Variants in DNHD1 observed in about 807,000 individuals in gnomAD.
DNHD1 encodes dynein heavy chain domain-containing protein 1.
DNHD1 carries 383 observed loss-of-function variants against 458.1 expected under a neutral mutation model. The observed-to-expected ratio is 0.84, with a 90% CI of 0.77 to 0.91. The LOEUF (loss-of-function observed/expected upper bound fraction) is 0.91. Ranked by LOEUF, DNHD1 falls within the 40% of genes least tolerant of loss-of-function variation. The pLI is 0.00. For synonymous variants in DNHD1, 2,203 were observed against 2,376.9 expected (o/e 0.93, Z 2.13); for missense variants, 5,336 against 5,866.1 (o/e 0.91, Z 2.95).
rs79772115 is a variant in DNHD1 at position 6,566,614 on chromosome 11, T to G, written c.11234T>G (p.Leu3745Arg). The stretch of plus-strand genomic sequence containing the variant: ...CTAGGTTGTGAACTGCTAAAGGGGC[T>G]GAATGTGTTGGATCTGGGCCTGAAC... ...KVLGCELLKG[L>R]NVLDLGLNME... is the part of the protein sequence containing the mutation. Residue 3745 changes from leucine (L) to arginine (R), a missense_variant, in exon 35 of 43, where the codon CTG becomes CGG. Physicochemically the swap from Leu to Arg is moderately radical, Grantham distance 102 (BLOSUM62 -2). This residue lies in a region of DNHD1 where 695 missense variants were observed against 804.2 expected (regional missense o/e 0.86). Transcript: ENST00000254579. 218 of 1,613,814 alleles carry G rather than the reference T, an allele frequency of 1.4e-4. No individual in the cohort carries two copies. The East Asian group carries it at 2.8e-3, about 21-fold the overall frequency.
At chr11:6,520,422 C>T (rs1852582584) in intron 10 of DNHD1, 133 bp downstream of exon 10, 1 of 1,518,246 alleles carries the variant, frequency 6.6e-7, no homozygotes, top group Non-Finnish European at 8.8e-7. Flanking sequence ...GCAGCTCTAA[C>T]CTGGGTACTG....
intron 6 of DNHD1, 30 bp from the exon 7 acceptor site, chr11:6,511,243 A>G (rs1318199968): frequency 1.2e-6 from 2 of 1,609,110 alleles, no homozygotes; most frequent in African/African-American, 1.3e-5. Context: ...TTGGGATGCC[A>G]GCTCTGACCA....
At chr11:6,525,635 G>A (rs754342344) in intron 10 of DNHD1, among the ~76,000 whole-genome samples, 2 of 152,172 alleles carry the variant, frequency 1.3e-5, no homozygotes, top group Non-Finnish European at 2.9e-5. Context: ...AAATTCCTCA[G>A]GAAGGGCTTG....
chr11:6,533,260 G>A (rs1467534173), intron 13 of DNHD1, 76 bp downstream of exon 13: 1 of 1,426,800 alleles, frequency 7.0e-7, no homozygotes, highest in Non-Finnish European at 9.5e-7. Context: ...CTCTCTTCAG[G>A]TCTCTGCTGA....
intron 24 of DNHD1, among the ~76,000 whole-genome samples, chr11:6,555,210 GTC>G (rs368758962): frequency 8.5e-6 from 1 of 117,230 alleles, no homozygotes; most frequent in Non-Finnish European, 1.8e-5. Context: ...CTCTCTCTCT[GTC>G]TCTCTCTCTG....
intron 24 of DNHD1, 58 bp from the exon 25 acceptor site, chr11:6,556,625 G>C: frequency 6.9e-7 from 1 of 1,457,256 alleles, no homozygotes; most frequent in Non-Finnish European, 9.2e-7. Flanking sequence ...GAGGGAACAG[G>C]TTGATACTCT....
chr11:6,513,866 C>T lies in DNHD1; in HGVS notation c.1392+2437C>T, dbSNP rs181483697. Among the ~76,000 whole-genome samples the T allele has an allele frequency of 1.5e-4, 22 of 150,828 alleles. No individual in the cohort carries two copies. In the East Asian group the frequency reaches 1.7e-3, roughly 12 times the overall value. On this transcript the variant is annotated intron_variant, in intron 7 of 42. Coordinates refer to ENST00000254579, the MANE Select transcript of DNHD1 (RefSeq NM_144666.3). ...CTTTCATTCTTTTTTTTTTTTGAGACGGAGTCTCATTCTGTCGCCCAGGCT... is the reference window on the plus strand; with the variant it reads ...CTTTCATTCTTTTTTTTTTTTGAGATGGAGTCTCATTCTGTCGCCCAGGCT...
Position 6,548,660 on chromosome 11 carries a change from T to C in DNHD1, c.7114T>C (p.Tyr2372His), listed in dbSNP as rs774016187. Residue 2372 changes from tyrosine (Y) to histidine (H), a missense_variant, in exon 24 of 43, where the codon TAT becomes CAT. Physicochemically the swap from Tyr to His is moderately conservative, Grantham distance 83. Around this residue, in one of 4 missense-constraint regions of DNHD1, gnomAD observed 3,932 missense variants for 4,365.6 expected, o/e 0.90. Transcript: ENST00000254579. The surrounding 1 kb of genome is among the most constrained non-coding windows in gnomAD (Gnocchi z 4.4). ...TGTCTTGCAGACTGAACGGCTCTTG[T>C]ATGTGGTGGACCTGCTTCTGTCAGG... is the stretch of plus-strand genomic sequence containing the variant. ...HPSIQTERLL[Y>H]VVDLLLSGGQ... 7.7e-6 allele frequency: 12 copies of C among 1,551,540 alleles called. No homozygotes were observed. Among genetic ancestry groups the C allele is most frequent in the Non-Finnish European group, 1.0e-5 (12 of 1,146,976 alleles).
chr11:6,542,906 G>A (rs529458494), intron 18 of DNHD1, among the ~76,000 whole-genome samples: 6 of 152,198 alleles, frequency 3.9e-5, no homozygotes, highest in African/African-American at 1.2e-4. Context: ...GTGAGACTTC[G>A]TGCTACCTCG....
intron 4 of DNHD1, among the ~76,000 whole-genome samples, chr11:6,506,293 G>A (rs1428613064): frequency 2.0e-5 from 3 of 152,216 alleles, no homozygotes; most frequent in African/African-American, 7.2e-5. Flanking sequence ...TACCAAAAAG[G>A]AGGTATATTT....
chr11:6,513,568 A>G (rs1315226195), intron 7 of DNHD1, among the ~76,000 whole-genome samples: 1 of 152,240 alleles, frequency 6.6e-6, no homozygotes, highest in Non-Finnish European at 1.5e-5. Flanking sequence ...ATAGCTACGT[A>G]GTATTTCACT....
At position 6,533,821 on chromosome 11, in the gene DNHD1, C is replaced by T. The variant is rs371762508; in HGVS notation, c.2646C>T (p.Phe882=). 162 of 1,551,100 alleles carry T rather than the reference C, an allele frequency of 1.0e-4. No homozygotes were observed. The highest frequency in any genetic ancestry group is 1.7e-4 in the Middle Eastern group (1 of 6,014). The change falls in exon 14 of 43, where the codon TTC becomes TTT. Residue 882 remains phenylalanine, a synonymous_variant. Transcript: ENST00000254579. The stretch of plus-strand genomic sequence containing the variant: ...TGGACATCTCGGTGAGAAGGCAATT[C>T]GGGGAGTCACCCATCCCTCCCTGCC... The part of the protein sequence containing the change: ...EALDISVRRQ[F]GESPIPPCPP...
chr11:6,538,674 C>T lies in DNHD1; in HGVS notation c.3189C>T (p.Ser1063=), dbSNP rs1224737911. ...EGWLTEAARM[S]TTLELHSPVL... ...GGCTGACAGAGGCAGCACGGATGAG[C>T]ACAACCCTGGAGCTGCACAGCCCCG... The change falls in exon 16 of 43, where the codon AGC becomes AGT. Residue 1063 remains serine, a synonymous_variant. Coordinates refer to ENST00000254579, the MANE Select transcript of DNHD1 (RefSeq NM_144666.3). The T allele has an allele frequency of 2.6e-6, 4 of 1,549,284 alleles. No homozygotes were observed. Among genetic ancestry groups the T allele is most frequent in the Non-Finnish European group, 3.5e-6 (4 of 1,145,480 alleles).
intron 7 of DNHD1, among the ~76,000 whole-genome samples, chr11:6,516,293 C>CT (rs368832969): frequency 0.047 from 6,209 of 133,380 alleles, 183 homozygotes; most frequent in Middle Eastern, 0.11. Context: ...ACTCTAATCA[C>CT]TTTTTTTTTT....
intron 18 of DNHD1, among the ~76,000 whole-genome samples, chr11:6,541,818 C>T (rs527625453): frequency 6.6e-6 from 1 of 152,238 alleles, no homozygotes; most frequent in East Asian, 1.9e-4. Context: ...TAAGGGATGA[C>T]TGGTATAACC....
chr11:6,571,206 ACTTGGG>A lies in DNHD1; in HGVS notation c.13696_13701del (p.Leu4566_Gly4567del). The A allele has an allele frequency of 6.2e-7, 1 of 1,607,184 alleles. No homozygotes were observed. The highest frequency in any genetic ancestry group is 8.5e-7 in the Non-Finnish European group (1 of 1,176,076). On this transcript the variant is annotated inframe_deletion, in exon 42 of 43. Coordinates refer to ENST00000254579, the MANE Select transcript of DNHD1 (RefSeq NM_144666.3). The surrounding 1 kb of genome is among the most constrained non-coding windows in gnomAD (Gnocchi z 5.0). ...CGCCGTGGGCAACTGTTGGTTCGTT[ACTTGGG>A]CGTGGGCGCGGACGCGAGCAGTGAT...
At chr11:6,533,606 A>T in intron 13 of DNHD1, 75 bp from the exon 14 acceptor site, 1 of 1,473,432 alleles carries the variant, frequency 6.8e-7, no homozygotes, top group South Asian at 1.4e-5. Flanking sequence ...AAAAGGTGGG[A>T]GTTCCCCTTG....
In DNHD1 at chr11:6,510,383, C is replaced by A. The variant is rs1414094171; in HGVS notation, c.1236-890C>A. ...TACAGGCGTGAGCCACCACACCAGACCTTCAAATTTTTATTAAAACACTGT... is the reference window on the plus strand; with the variant it reads ...TACAGGCGTGAGCCACCACACCAGAACTTCAAATTTTTATTAAAACACTGT... On this transcript the variant is annotated intron_variant, in intron 6 of 42. Coordinates refer to ENST00000254579, the MANE Select transcript of DNHD1 (RefSeq NM_144666.3). Among the ~76,000 whole-genome samples the A allele has an allele frequency of 3.7e-4, 56 of 152,160 alleles. 1 individual carries two copies. The highest frequency in any genetic ancestry group is 3.7e-3 in the Admixed American group (56 of 15,276).
chr11:6,520,315 G>A (rs1381213070), intron 10 of DNHD1, 26 bp downstream of exon 10: 1 of 1,551,534 alleles, frequency 6.4e-7, no homozygotes, highest in South Asian at 1.2e-5. Context: ...TAGGCAGGGG[G>A]TAGGAAGGCT....
Sources: gnomAD v4.1 joint callset for allele counts (sites outside exome capture counted in the v4.1 genomes callset) on GRCh38, gnomAD v4.1.1 for gene constraint, gnomAD v4.1.1 regional missense constraint, Gnocchi (gnomAD v3.1) non-coding constraint, MANE v1.5 for transcripts, NCBI Gene and HGNC (gene_info 2026-07-23, HGNC 2026-07-21) for gene names.